Variants in FCER1A observed in about 807,000 individuals in gnomAD.
FCER1A encodes the protein high affinity immunoglobulin epsilon receptor subunit alpha.
In FCER1A, 24 loss-of-function variants were observed where a neutral mutation model predicts 23.6. The observed-to-expected ratio is 1.02, with a 90% CI of 0.74 to 1.43. The LOEUF (loss-of-function observed/expected upper bound fraction) is 1.43, where lower values mean the gene tolerates loss of function less well. FCER1A is among the 40% of genes most tolerant of loss of function. The probability of loss-of-function intolerance (pLI) is 0.00; values close to 1 mark genes in which losing one functional copy is unlikely to be tolerated. For missense variants in FCER1A, 318 were observed against 294.5 expected (o/e 1.08, Z -0.58); for synonymous variants, 121 against 108.8 (o/e 1.11, Z -0.70).
chr1:159,285,845 T>C (rs889971051), upstream of FCER1A, among the ~76,000 whole-genome samples: 2 of 152,196 alleles, frequency 1.3e-5, no homozygotes, highest in African/African-American at 4.8e-5. Flanking sequence ...TTCAAAATAC[T>C]ATATTGTACC....
upstream of FCER1A, among the ~76,000 whole-genome samples, chr1:159,286,963 T>C (rs1652035039): frequency 6.6e-6 from 1 of 152,154 alleles, no homozygotes; most frequent in Non-Finnish European, 1.5e-5. Flanking sequence ...AATTTATAAG[T>C]GATTTCCTAA....
At chr1:159,289,239 T>G (rs12135235), upstream of FCER1A, among the ~76,000 whole-genome samples, 5,499 of 152,280 alleles carry the variant, frequency 0.036, 110 homozygotes, top group Middle Eastern at 0.092. Context: ...GATCTTGAAC[T>G]GTCAACCTGG....
Position 159,302,876 on chromosome 1 carries a change from TGA to T in FCER1A, c.76+4_76+5del. On this transcript the variant is annotated splice_donor_region_variant and intron_variant, in intron 2 of 4. Transcript: ENST00000693622. ...CAGCTCCAGATGGCGTGTTAGCAGG[TGA>T]GTCCTCTGTTCTTGTTCCCTTGGTG... 6.2e-7 allele frequency: 1 copy of T among 1,613,220 alleles called. No homozygotes were observed. The highest frequency in any genetic ancestry group is 2.2e-5 in the East Asian group (1 of 44,876).
At chr1:159,294,142 C>A (rs1165942057) in intron 1 of FCER1A, among the ~76,000 whole-genome samples, 2 of 152,162 alleles carry the variant, frequency 1.3e-5, no homozygotes, top group African/African-American at 4.8e-5. Flanking sequence ...TAGTTCAACC[C>A]TTGTGGAAGT....
At chr1:159,305,855 T>C (rs766268242) in intron 3 of FCER1A, 133 bp from the exon 4 acceptor site, 11 of 790,176 alleles carry the variant, frequency 1.4e-5, no homozygotes, top group Non-Finnish European at 2.0e-5. Context: ...AAAAATCCAC[T>C]TTATGAGCCA....
intron 4 of FCER1A, among the ~76,000 whole-genome samples, chr1:159,306,924 A>G (rs944250468): frequency 6.6e-6 from 1 of 152,234 alleles, no homozygotes; most frequent in African/African-American, 2.4e-5. Context: ...GTCAAAATAC[A>G]TAATTAAGTC....
chr1:159,302,090 G>T (rs1470572204), upstream of FCER1A, among the ~76,000 whole-genome samples: 2 of 152,264 alleles, frequency 1.3e-5, no homozygotes, highest in Middle Eastern at 3.4e-3. Flanking sequence ...ATTAAGAAAG[G>T]CTTGTGATTG....
upstream of FCER1A, among the ~76,000 whole-genome samples, chr1:159,287,045 T>C (rs1004366046): frequency 6.6e-6 from 1 of 152,168 alleles, no homozygotes; most frequent in Non-Finnish European, 1.5e-5. Context: ...TGATGCACAA[T>C]TGAAAAATCT....
Position 159,304,881 on chromosome 1 carries a change from C to T in FCER1A, c.331+699C>T, listed in dbSNP as rs183932225. ...GCTCTGCATAATCCATATGGCAGGA[C>T]CTGAATATTAGGTTGTACTCTTCGT... On this transcript the variant is annotated intron_variant, in intron 3 of 4. Coordinates refer to ENST00000693622, the MANE Select transcript of FCER1A (RefSeq NM_001387280.1). 1.1e-4 allele frequency among the ~76,000 whole-genome samples: 17 copies of T among 150,590 alleles called. No individual in the cohort carries two copies. In the East Asian group the frequency reaches 2.8e-3, roughly 25 times the overall value.
chr1:159,301,986 G>T (rs1336969894), upstream of FCER1A, among the ~76,000 whole-genome samples: 1 of 152,142 alleles, frequency 6.6e-6, no homozygotes, highest in African/African-American at 2.4e-5. Context: ...CATATGTTTG[G>T]TATTCAGTAA....
At chr1:159,287,641 A>C (rs1652051043), upstream of FCER1A, among the ~76,000 whole-genome samples, 1 of 149,886 alleles carries the variant, frequency 6.7e-6, no homozygotes, top group Admixed American at 6.7e-5. Context: ...CATGTAGATA[A>C]ACATATTTAT....
chr1:159,302,242 G>T, upstream of FCER1A: 1 of 736,440 alleles, frequency 1.4e-6, no homozygotes, highest in Non-Finnish European at 2.4e-6. Context: ...GCAAAACCAG[G>T]CACAGCTGAT....
intron 1 of FCER1A, among the ~76,000 whole-genome samples, chr1:159,289,936 A>G (rs980748426): frequency 3.9e-5 from 6 of 152,086 alleles, no homozygotes; most frequent in African/African-American, 1.4e-4. Context: ...TCCTGTGTGA[A>G]CACTACCTCA....
At chr1:159,293,025 A>T (rs1571075875) in intron 1 of FCER1A, among the ~76,000 whole-genome samples, 1 of 152,140 alleles carries the variant, frequency 6.6e-6, no homozygotes, top group Middle Eastern at 3.4e-3. Flanking sequence ...TGAACTTCAC[A>T]GTCTCCAGAA....
the FCER1A span, among the ~76,000 whole-genome samples, chr1:159,284,385 A>T: frequency 6.6e-6 from 1 of 152,204 alleles, no homozygotes; most frequent in South Asian, 2.1e-4. Flanking sequence ...AACTTCCAAT[A>T]AGTTTAATTT....
Position 159,303,916 on chromosome 1 carries a change from A to G in FCER1A, c.77-12A>G. ...TCTCTACATGTCTTTTCATATTTTTATCTTCTTGAAGTCCCTCAGAAACCT... is the reference window on the plus strand; with the variant it reads ...TCTCTACATGTCTTTTCATATTTTTGTCTTCTTGAAGTCCCTCAGAAACCT... On this transcript the variant is annotated splice_polypyrimidine_tract_variant and intron_variant, in intron 2 of 4. Coordinates refer to ENST00000693622, the MANE Select transcript of FCER1A (RefSeq NM_001387280.1). 2.5e-6 allele frequency: 4 copies of G among 1,599,270 alleles called. No individual in the cohort carries two copies. The highest frequency in any genetic ancestry group is 3.4e-6 in the Non-Finnish European group (4 of 1,172,332).
At chr1:159,299,616 C>A (rs1349555569), upstream of FCER1A, among the ~76,000 whole-genome samples, 2 of 152,172 alleles carry the variant, frequency 1.3e-5, no homozygotes, top group Non-Finnish European at 2.9e-5. Context: ...GTGTATTGAG[C>A]ATTCCTGTAC....
chr1:159,307,983 A>C lies in FCER1A; in HGVS notation c.*51A>C. On this transcript the variant is annotated 3_prime_UTR_variant, in exon 5 of 5. Coordinates refer to ENST00000693622, the MANE Select transcript of FCER1A (RefSeq NM_001387280.1). Reference sequence around the variant, plus strand: ...ACATTAGTTTTTTTCCAGCATCAGCAATTGCTACTCAATTGTCAAACACAG... The same window carrying C: ...ACATTAGTTTTTTTCCAGCATCAGCCATTGCTACTCAATTGTCAAACACAG... 1 of 1,367,554 alleles carries C rather than the reference A, an allele frequency of 7.3e-7. No individual in the cohort carries two copies. The highest frequency in any genetic ancestry group is 1.0e-6 in the Non-Finnish European group (1 of 980,568). The allele number at this position is 1,367,554 out of a possible 1,614,324, so 84.7% of individuals were successfully genotyped here.
At chr1:159,303,821 G>A in intron 2 of FCER1A, 107 bp from the exon 3 acceptor site, 1 of 820,770 alleles carries the variant, frequency 1.2e-6, no homozygotes, top group Non-Finnish European at 1.9e-6. Flanking sequence ...AGGACAGGTT[G>A]ACCACTGATT....
Sources: allele counts gnomAD v4.1 joint callset (sites outside exome capture counted in the v4.1 genomes callset), GRCh38; gene constraint gnomAD v4.1.1; transcripts MANE v1.5; gene names NCBI Gene and HGNC (gene_info 2026-07-23, HGNC 2026-07-21).